Variants in ZKSCAN5 observed in about 807,000 individuals in gnomAD.
ZKSCAN5 encodes the protein zinc finger protein with KRAB and SCAN domains 5.
Under a neutral mutation model 60.0 loss-of-function variants are expected in ZKSCAN5, and 28 were observed. That is an observed-to-expected ratio of 0.47 (90% CI 0.35 to 0.64). The LOEUF (loss-of-function observed/expected upper bound fraction) is 0.64, where lower values mean the gene tolerates loss of function less well. Among genes scored for constraint, ZKSCAN5 ranks in the 30% least tolerant of loss-of-function variants. The probability of loss-of-function intolerance (pLI) is 0.01; values close to 1 mark genes in which losing one functional copy is unlikely to be tolerated. For synonymous variants in ZKSCAN5, 361 were observed against 371.2 expected, an observed-to-expected ratio of 0.97 and a Z score of 0.31; for missense variants, 881 against 1,034.6, an observed-to-expected ratio of 0.85 and a Z score of 2.04.
At position 99,532,582 on chromosome 7, in the gene ZKSCAN5, C is replaced by T. The variant is rs771572565; in HGVS notation, c.*333C>T. ...AACTCAAAACTGACACTAGGAACAGCTTCATGAGTTCAGTAGAAGTAAGCT... is the reference window on the plus strand; with the variant it reads ...AACTCAAAACTGACACTAGGAACAGTTTCATGAGTTCAGTAGAAGTAAGCT... On this transcript the variant is annotated 3_prime_UTR_variant, in exon 7 of 7. Transcript: ENST00000326775. 4.6e-6 allele frequency: 1 copy of T among 215,696 alleles called. No individual in the cohort carries two copies. The highest frequency in any genetic ancestry group is 1.3e-4 in the South Asian group (1 of 7,896). 13.4% of individuals were successfully genotyped at this position (215,696 alleles called of 1,614,324 possible). A position where few individuals can be genotyped will look rare whatever the true frequency, so the allele number is the denominator to read the frequency against.
intron 3 of ZKSCAN5, among the ~76,000 whole-genome samples, chr7:99,515,470 C>T (rs1801223254): frequency 6.6e-6 from 1 of 151,976 alleles, no homozygotes; most frequent in African/African-American, 2.4e-5. Flanking sequence ...TGCAGGACAC[C>T]TGGGTATGCC....
At chr7:99,524,078 T>G (rs973332806) in intron 5 of ZKSCAN5, among the ~76,000 whole-genome samples, 3 of 151,658 alleles carry the variant, frequency 2.0e-5, no homozygotes, top group South Asian at 2.1e-4. Flanking sequence ...TGGGTTTTTT[T>G]TTTTTTTTTT....
intron 2 of ZKSCAN5, among the ~76,000 whole-genome samples, chr7:99,507,575 GTGTATATTTATGTGTGTGTGTA>G (rs1800826145): frequency 6.9e-6 from 1 of 145,496 alleles, no homozygotes; most frequent in African/African-American, 2.7e-5. Flanking sequence ...GTATATATAT[GTGTATATTTATGTGTGTGTGTA>G]TATATATATG....
intron 2 of ZKSCAN5, among the ~76,000 whole-genome samples, chr7:99,511,337 A>T (rs892054664): frequency 3.3e-5 from 5 of 152,164 alleles, no homozygotes; most frequent in African/African-American, 1.2e-4. Flanking sequence ...TATGATGACC[A>T]TTCCAATCTC....
At chr7:99,514,063 TG>T (rs1801160694) in intron 3 of ZKSCAN5, among the ~76,000 whole-genome samples, 1 of 152,056 alleles carries the variant, frequency 6.6e-6, no homozygotes, top group Admixed American at 6.6e-5. Flanking sequence ...AAAAGAATAC[TG>T]TCACACAATG....
At chr7:99,517,502 G>A (rs543877984) in intron 3 of ZKSCAN5, among the ~76,000 whole-genome samples, 2 of 152,176 alleles carry the variant, frequency 1.3e-5, no homozygotes, top group African/African-American at 4.8e-5. Flanking sequence ...CCAACATGGC[G>A]AAATCCCGTC....
At chr7:99,519,700 C>A in intron 3 of ZKSCAN5, 127 bp from the exon 4 acceptor site, 1 of 784,620 alleles carries the variant, frequency 1.3e-6, no homozygotes, top group Admixed American at 2.3e-5. Context: ...GTCTTGACAG[C>A]CAGGCAGAAG....
chr7:99,517,613 G>A (rs746050794), intron 3 of ZKSCAN5, among the ~76,000 whole-genome samples: 3 of 152,068 alleles, frequency 2.0e-5, no homozygotes, highest in African/African-American at 7.2e-5. Flanking sequence ...CCTGGGAGGC[G>A]GAGGTTGCAG....
chr7:99,508,142 T>C (rs569713084), intron 2 of ZKSCAN5, among the ~76,000 whole-genome samples: 1 of 149,036 alleles, frequency 6.7e-6, no homozygotes, highest in Non-Finnish European at 1.5e-5. Flanking sequence ...TACTAAAAAA[T>C]ACAAAAATTA....
chr7:99,524,100 T>A (rs911630343), intron 5 of ZKSCAN5, among the ~76,000 whole-genome samples: 1 of 149,018 alleles, frequency 6.7e-6, no homozygotes, highest in East Asian at 2.0e-4. Flanking sequence ...GGACAGAGTC[T>A]CGCTCTGTCA....
At chr7:99,514,047 AAAAAG>A (rs1479030232) in intron 3 of ZKSCAN5, among the ~76,000 whole-genome samples, 3 of 152,160 alleles carry the variant, frequency 2.0e-5, no homozygotes, top group Admixed American at 2.0e-4. Context: ...CTCCGTCTCA[AAAAAG>A]AAAAGAATAC....
Position 99,510,089 on chromosome 7 carries a change from A to G in ZKSCAN5, c.415-2364A>G, listed in dbSNP as rs191309154. On this transcript the variant is annotated intron_variant, in intron 2 of 6. Coordinates refer to ENST00000326775, the MANE Select transcript of ZKSCAN5 (RefSeq NM_145102.4). ...TAGGACTACAGGCACTTGCCACCAC[A>G]TACAGCTAATTAAACAAAAATTTTT... Among the ~76,000 whole-genome samples, 380 of 151,848 alleles carry G rather than the reference A, an allele frequency of 2.5e-3. 2 individuals are homozygous for G. The highest frequency in any genetic ancestry group is 4.1e-3 in the Non-Finnish European group (279 of 67,980).
At chr7:99,527,582 G>A (rs1016558468) in intron 6 of ZKSCAN5, among the ~76,000 whole-genome samples, 1 of 152,102 alleles carries the variant, frequency 6.6e-6, no homozygotes, top group Non-Finnish European at 1.5e-5. Context: ...CTGCCATTGT[G>A]TGGTGGCATT....
intron 2 of ZKSCAN5, among the ~76,000 whole-genome samples, chr7:99,510,029 C>T (rs958499084): frequency 3.9e-5 from 6 of 152,034 alleles, no homozygotes; most frequent in Admixed American, 1.3e-4. Context: ...ACTGCAGCCT[C>T]GAACTCCTGG....
chr7:99,529,813 G>T (rs2151117922), intron 6 of ZKSCAN5, among the ~76,000 whole-genome samples: 1 of 152,064 alleles, frequency 6.6e-6, no homozygotes, highest in Non-Finnish European at 1.5e-5. Context: ...TTGGCTCACT[G>T]CAACCTCTGC....
In ZKSCAN5 at chr7:99,508,297, C is replaced by CA. The variant is rs199941738; in HGVS notation, c.414+1849dup. Among the ~76,000 whole-genome samples the CA allele has an allele frequency of 3.1e-4, 45 of 146,554 alleles. No homozygotes were observed. In the East Asian group the frequency reaches 5.4e-3, roughly 18 times the overall value. On this transcript the variant is annotated intron_variant, in intron 2 of 6. Transcript: ENST00000326775. ...CTGGCAACAGAGCGAGACTCCATCT[C>CA]AAAAAAAAAAGTACATTTGTAATTT... is the stretch of plus-strand genomic sequence containing the variant.
intron 2 of ZKSCAN5, among the ~76,000 whole-genome samples, chr7:99,509,632 A>T (rs1800929542): frequency 1.3e-5 from 2 of 151,728 alleles, no homozygotes; most frequent in Non-Finnish European, 2.9e-5. Context: ...ATGCCCGGCT[A>T]ATTTCCTGTA....
At chr7:99,509,808 T>G (rs1413379027) in intron 2 of ZKSCAN5, among the ~76,000 whole-genome samples, 1 of 152,026 alleles carries the variant, frequency 6.6e-6, no homozygotes, top group Non-Finnish European at 1.5e-5. Context: ...CCTTTTATGG[T>G]GGTGAATTGT....
In ZKSCAN5 at chr7:99,531,857, A is replaced by T. The variant is rs1802063121; in HGVS notation, c.2128A>T (p.Ile710Phe). Residue 710 changes from isoleucine (I) to phenylalanine (F), a missense_variant, in exon 7 of 7, where the codon ATT (isoleucine) becomes TTT (phenylalanine). Around this residue, in one of 5 missense-constraint regions of ZKSCAN5, gnomAD observed 112 missense variants for 182.4 expected, o/e 0.61. Coordinates refer to ENST00000326775, the MANE Select transcript of ZKSCAN5 (RefSeq NM_145102.4). ...WNLTVIEDKK[I>F]ELQEQPYQCD... is the part of the protein sequence containing the mutation. ...CTTGACAGTGATTGAAGACAAGAAG[A>T]TTGAGTTACAAGAGCAGCCTTATCA... 1 of 1,614,106 alleles carries T rather than the reference A, an allele frequency of 6.2e-7. No individual in the cohort carries two copies. Among genetic ancestry groups the T allele is most frequent in the Admixed American group, 1.7e-5 (1 of 60,010 alleles).
Sources: gnomAD v4.1 joint callset for allele counts (sites outside exome capture counted in the v4.1 genomes callset) on GRCh38, gnomAD v4.1.1 for gene constraint, gnomAD v4.1.1 regional missense constraint, MANE v1.5 for transcripts, NCBI Gene and HGNC (gene_info 2026-07-23, HGNC 2026-07-21) for gene names.